The following CCL7 variants were observed in gnomAD, a reference collection of about 807,000 sequenced individuals.
The protein encoded by CCL7 is C-C motif chemokine 7.
CCL7 carries 8 observed loss-of-function variants against 7.1 expected under a neutral mutation model. That is an observed-to-expected ratio of 1.13 (90% CI 0.66 to 2.04). CCL7 has a LOEUF of 2.04. CCL7 is among the 30% of genes most tolerant of loss of function. The pLI is 0.00. For missense variants in CCL7, 134 were observed against 113.6 expected, an observed-to-expected ratio of 1.18 and a Z score of -0.82; for synonymous variants, 46 against 41.2, an observed-to-expected ratio of 1.12 and a Z score of -0.45.
rs1425945280 is a variant in CCL7 at position 34,272,185 on chromosome 17, A to G, written c.*383A>G. On this transcript the variant is annotated 3_prime_UTR_variant, in exon 3 of 3. Transcript: ENST00000378569. ...GGAAGCATATTGTTATTATATAATT[A>G]CATATTTGCATATGTATGACTCCCA... The G allele has an allele frequency of 6.4e-6, 1 of 157,362 alleles. No individual in the cohort carries two copies. The highest frequency in any genetic ancestry group is 1.4e-5 in the Non-Finnish European group (1 of 71,662). 9.7% of individuals were successfully genotyped at this position (157,362 alleles called of 1,614,324 possible).
chr17:34,271,702 A>G lies in CCL7; in HGVS notation c.200A>G (p.Lys67Arg), dbSNP rs1457423437. ...SHCPREAVIF[K>R]TKLDKEICAD... The stretch of plus-strand genomic sequence containing the variant: ...GTCTCCTTTCTGCTCCACAGCTTCA[A>G]GACCAAACTGGACAAGGAGATCTGT... The change falls in exon 3 of 3, where the codon AAG becomes AGG. Residue 67 changes from lysine (K) to arginine (R), a missense_variant. By Grantham distance (26) the Lys-to-Arg change is conservative. Coordinates refer to ENST00000378569, the MANE Select transcript of CCL7 (RefSeq NM_006273.4). The G allele has an allele frequency of 6.2e-7, 1 of 1,608,208 alleles. No individual in the cohort carries two copies. Among genetic ancestry groups the G allele is most frequent in the Non-Finnish European group, 8.5e-7 (1 of 1,177,754 alleles).
chr17:34,271,844 C>A lies in CCL7; in HGVS notation c.*42C>A. On this transcript the variant is annotated 3_prime_UTR_variant, in exon 3 of 3. Coordinates refer to ENST00000378569, the MANE Select transcript of CCL7 (RefSeq NM_006273.4). ...TGAAAACAAGCCATGACTTGAGAAACAAATAATTTGTATACCCTGTCCTTT... is the reference window on the plus strand; with the variant it reads ...TGAAAACAAGCCATGACTTGAGAAAAAAATAATTTGTATACCCTGTCCTTT... The A allele has an allele frequency of 7.8e-7, 1 of 1,280,336 alleles. No homozygotes were observed. The highest frequency in any genetic ancestry group is 1.1e-6 in the Non-Finnish European group (1 of 883,712). 79.3% of individuals were successfully genotyped at this position (1,280,336 alleles called of 1,614,324 possible).
intron 1 of CCL7, 36 bp from the exon 2 acceptor site, chr17:34,271,110 C>A (rs765159145): frequency 4.3e-6 from 7 of 1,613,728 alleles, no homozygotes; most frequent in South Asian, 1.1e-5. Flanking sequence ...CAGGACACAC[C>A]CTCAATGGAC....
Position 34,271,077 on chromosome 17 carries a change from CCT to C in CCL7, c.77-68_77-67del, listed in dbSNP as rs758300545. On this transcript the variant is annotated intron_variant, in intron 1 of 2. Transcript: ENST00000378569. Reference sequence around the variant, plus strand: ...TTCTGATTCCTTCTTCTTACCATTCCCTGTTTTACAAACAGAAAGACCCAGGA... The same window carrying C: ...TTCTGATTCCTTCTTCTTACCATTCCGTTTTACAAACAGAAAGACCCAGGA... The C allele has an allele frequency of 1.5e-4, 237 of 1,602,670 alleles. 2 individuals are homozygous for C. In the Admixed American group the frequency reaches 4.0e-3, roughly 27 times the overall value.
In CCL7 at chr17:34,271,955, G is replaced by A. The variant is rs1174099455; in HGVS notation, c.*153G>A. 8.7e-6 allele frequency: 5 copies of A among 577,416 alleles called. No individual in the cohort carries two copies. Among genetic ancestry groups the A allele is most frequent in the Admixed American group, 3.6e-5 (1 of 27,402 alleles). The allele number at this position is 577,416 out of a possible 1,614,324, so 35.8% of individuals were successfully genotyped here. A position where few individuals can be genotyped will look rare whatever the true frequency, so the allele number is the denominator to read the frequency against. On this transcript the variant is annotated 3_prime_UTR_variant, in exon 3 of 3. Transcript: ENST00000378569. ...ATGTGAATCATGGTTTTTCTTAGTA[G>A]ATTTTAAAAGTTATTAATATTTTAA... is the stretch of plus-strand genomic sequence containing the variant.
chr17:34,271,132 T>C lies in CCL7; in HGVS notation c.77-14T>C. The C allele has an allele frequency of 1.2e-6, 2 of 1,614,120 alleles. No homozygotes were observed. The highest frequency in any genetic ancestry group is 2.2e-5 in the South Asian group (2 of 91,082). On this transcript the variant is annotated splice_polypyrimidine_tract_variant and intron_variant, in intron 1 of 2. Transcript: ENST00000378569. ...CACCCTCAATGGACTTTTCTTCTTGTTGTTTCATTGCAGTTGGGATTAATA... is the reference window on the plus strand; with the variant it reads ...CACCCTCAATGGACTTTTCTTCTTGCTGTTTCATTGCAGTTGGGATTAATA...
intron 1 of CCL7, 136 bp downstream of exon 1, chr17:34,270,502 T>A: frequency 1.4e-6 from 1 of 712,652 alleles, no homozygotes. Context: ...AGAAAAAGGA[T>A]AAGGGGTGAG....
chr17:34,271,319 G>C lies in CCL7; in HGVS notation c.194+56G>C, dbSNP rs70937036. 1.2e-3 allele frequency: 1,624 copies of C among 1,392,592 alleles called. 30 individuals are homozygous for C. The South Asian group carries it at 0.019, about 16-fold the overall frequency. The allele number at this position is 1,392,592 out of a possible 1,614,324, so 86.3% of individuals were successfully genotyped here. On this transcript the variant is annotated intron_variant, in intron 2 of 2. Transcript: ENST00000378569. ...ACCTCAGTCCTAGGTTCTTCCCTGG[G>C]CAGGGAATAGGACTAGTATCAGAAT... is the stretch of plus-strand genomic sequence containing the variant.
rs755393759 is a variant in CCL7, at chr17:34,271,233, C to G, written c.164C>G (p.Thr55Ser). Residue 55 changes from threonine to serine, a missense_variant, in exon 2 of 3, where the codon ACC (threonine) becomes AGC (serine). By Grantham distance (58) the Thr-to-Ser change is moderately conservative (BLOSUM62 1). Transcript: ENST00000378569. ...KQRLESYRRT[T>S]SSHCPREAVI... Reference sequence around the variant, plus strand: ...AGGCTGGAGAGCTACAGAAGGACCACCAGTAGCCACTGTCCCCGGGAAGCT... The same window carrying G: ...AGGCTGGAGAGCTACAGAAGGACCAGCAGTAGCCACTGTCCCCGGGAAGCT... The G allele has an allele frequency of 6.2e-7, 1 of 1,614,060 alleles. No homozygotes were observed.
chr17:34,270,321 C>A lies in CCL7; in HGVS notation c.31C>A (p.Leu11Met). ...AGCCTCTGCAGCACTTCTGTGTCTG[C>A]TGCTCACAGCAGCTGCTTTCAGCCC... MKASAALLCL[L>M]LTAAAFSPQG... The change falls in exon 1 of 3, where the codon CTG becomes ATG. Residue 11 changes from leucine (L) to methionine (M), a missense_variant. Leu to Met is a conservative substitution (Grantham distance 15). Coordinates refer to ENST00000378569, the MANE Select transcript of CCL7 (RefSeq NM_006273.4). 6.2e-7 allele frequency: 1 copy of A among 1,614,232 alleles called. No homozygotes were observed. Among genetic ancestry groups the A allele is most frequent in the Non-Finnish European group, 8.5e-7 (1 of 1,180,036 alleles).
chr17:34,271,720 A>G lies in CCL7; in HGVS notation c.218A>G (p.Glu73Gly). The G allele has an allele frequency of 6.2e-7, 1 of 1,610,508 alleles. No individual in the cohort carries two copies. The highest frequency in any genetic ancestry group is 8.5e-7 in the Non-Finnish European group (1 of 1,179,146). Residue 73 changes from glutamate to glycine, a missense_variant, in exon 3 of 3, where the codon GAG (glutamate) becomes GGG (glycine). Transcript: ENST00000378569. ...AVIFKTKLDK[E>G]ICADPTQKWV... ...AGCTTCAAGACCAAACTGGACAAGG[A>G]GATCTGTGCTGACCCCACACAGAAG...
chr17:34,271,185 T>G lies in CCL7; in HGVS notation c.116T>G (p.Ile39Ser), dbSNP rs200982100. The G allele has an allele frequency of 6.2e-7, 1 of 1,614,122 alleles. No homozygotes were observed. Among genetic ancestry groups the G allele is most frequent in the South Asian group, 1.1e-5 (1 of 91,076 alleles). ...TCAACTACCTGCTGCTACAGATTTA[T>G]CAATAAGAAAATCCCTAAGCAGAGG... ...NTSTTCCYRF[I>S]NKKIPKQRLE... Residue 39 changes from isoleucine (I) to serine (S), a missense_variant, in exon 2 of 3, where the codon ATC becomes AGC. Physicochemically the swap from Ile to Ser is moderately radical, Grantham distance 142. Coordinates refer to ENST00000378569, the MANE Select transcript of CCL7 (RefSeq NM_006273.4).
rs758956925 is a variant in CCL7 at position 34,271,694 on chromosome 17, C to G, written c.195-3C>G. Reference sequence around the variant, plus strand: ...ATCTGACTGTCTCCTTTCTGCTCCACAGCTTCAAGACCAAACTGGACAAGG... The same window carrying G: ...ATCTGACTGTCTCCTTTCTGCTCCAGAGCTTCAAGACCAAACTGGACAAGG... On this transcript the variant is annotated splice_polypyrimidine_tract_variant and splice_region_variant and intron_variant, in intron 2 of 2. Transcript: ENST00000378569. 4 of 1,602,292 alleles carry G rather than the reference C, an allele frequency of 2.5e-6. No individual in the cohort carries two copies. In the African/African-American group the frequency reaches 5.4e-5, roughly 22 times the overall value.
intron 1 of CCL7, among the ~76,000 whole-genome samples, chr17:34,270,721 C>G (rs1210815233): frequency 6.6e-6 from 1 of 152,120 alleles, no homozygotes; most frequent in Non-Finnish European, 1.5e-5. Flanking sequence ...ACCGGGAGAC[C>G]CAGAATCTGG....
chr17:34,271,076 C>A (rs1908127670), intron 1 of CCL7, 70 bp from the exon 2 acceptor site: 1 of 1,602,458 alleles, frequency 6.2e-7, no homozygotes, highest in African/African-American at 1.3e-5. Flanking sequence ...TCTTACCATT[C>A]CCTGTTTTAC....
At chr17:34,271,520 C>T (rs1908161315) in intron 2 of CCL7, among the ~76,000 whole-genome samples, 177 bp from the exon 3 acceptor site, 2 of 152,192 alleles carry the variant, frequency 1.3e-5, no homozygotes, top group Non-Finnish European at 2.9e-5. Flanking sequence ...TTCACTTGGG[C>T]TACCAAAAAG....
intron 1 of CCL7, among the ~76,000 whole-genome samples, chr17:34,270,837 A>T (rs1476992234): frequency 6.6e-6 from 1 of 152,220 alleles, no homozygotes; most frequent in Non-Finnish European, 1.5e-5. Context: ...GGGGATCCAT[A>T]GTTGGGGTAC....
chr17:34,271,716 AAGG>A lies in CCL7; in HGVS notation c.217_219del (p.Glu73del). 1 of 1,610,814 alleles carries A rather than the reference AAGG, an allele frequency of 6.2e-7. No homozygotes were observed. Among genetic ancestry groups the A allele is most frequent in the Non-Finnish European group, 8.5e-7 (1 of 1,179,154 alleles). On this transcript the variant is annotated inframe_deletion, in exon 3 of 3. Transcript: ENST00000378569. ...CCACAGCTTCAAGACCAAACTGGAC[AAGG>A]AGATCTGTGCTGACCCCACACAGAA...
rs143220254 is a variant in CCL7, at chr17:34,270,330, G to A, written c.40G>A (p.Ala14Thr). The A allele has an allele frequency of 1.4e-4, 231 of 1,614,204 alleles. No individual in the cohort carries two copies. In the African/African-American group the frequency reaches 2.7e-3, roughly 19 times the overall value. The change falls in exon 1 of 3, where the codon GCA (alanine) becomes ACA (threonine). Residue 14 changes from alanine (A) to threonine (T), a missense_variant. Physicochemically the swap from Ala to Thr is moderately conservative, Grantham distance 58. Transcript: ENST00000378569. Reference sequence around the variant, plus strand: ...AGCACTTCTGTGTCTGCTGCTCACAGCAGCTGCTTTCAGCCCCCAGGGGCT... The same window carrying A: ...AGCACTTCTGTGTCTGCTGCTCACAACAGCTGCTTTCAGCCCCCAGGGGCT... ...SAALLCLLLTAAAFSPQGLAQ... is the reference protein window; with the variant it reads ...SAALLCLLLTTAAFSPQGLAQ...
Sources: gnomAD v4.1 joint callset for allele counts (sites outside exome capture counted in the v4.1 genomes callset) on GRCh38, gnomAD v4.1.1 for gene constraint, MANE v1.5 for transcripts, NCBI Gene and HGNC (gene_info 2026-07-23, HGNC 2026-07-21) for gene names.